Variants in CYP46A1 observed in about 807,000 individuals in gnomAD.
CYP46A1 encodes the protein cytochrome P450 family 46 subfamily A member 1.
Under a neutral mutation model 63.3 loss-of-function variants are expected in CYP46A1, and 20 were observed. That is an observed-to-expected ratio of 0.32 (90% CI 0.22 to 0.46). The LOEUF (loss-of-function observed/expected upper bound fraction) is 0.46, where lower values mean the gene tolerates loss of function less well. CYP46A1 is among the 20% of genes least tolerant of loss of function. The pLI is 1.00. For missense variants in CYP46A1, 445 were observed against 670.8 expected, an observed-to-expected ratio of 0.66 and a Z score of 3.72; for synonymous variants, 268 against 273.6, an observed-to-expected ratio of 0.98 and a Z score of 0.20.
At position 99,726,653 on chromosome 14, in the gene CYP46A1, A is replaced by G; in HGVS notation, c.1429A>G (p.Lys477Glu). The change falls in exon 15 of 15, where the codon AAG becomes GAG. Residue 477 changes from lysine (K) to glutamate (E), a missense_variant. Lys to Glu is a moderately conservative substitution (Grantham distance 56, BLOSUM62 1). This residue lies in a region of CYP46A1 where 85 missense variants were observed against 80.1 expected (regional missense o/e 1.06). Transcript: ENST00000261835. ...RFGLQEQATLKPLDPVLCTLR... is the reference protein window; with the variant it reads ...RFGLQEQATLEPLDPVLCTLR... The stretch of plus-strand genomic sequence containing the variant: ...CGGGCTGCAGGAGCAGGCCACACTC[A>G]AGCCACTGGACCCCGTGCTGTGCAC... The G allele has an allele frequency of 6.4e-7, 1 of 1,560,916 alleles. No homozygotes were observed. The highest frequency in any genetic ancestry group is 8.7e-7 in the Non-Finnish European group (1 of 1,153,930).
intron 5 of CYP46A1, 35 bp from the exon 6 acceptor site, chr14:99,706,612 G>A (rs1272247624): frequency 1.2e-6 from 2 of 1,610,954 alleles, no homozygotes; most frequent in Non-Finnish European, 8.5e-7. Context: ...TATTGGGCTG[G>A]CCAGTGGCCG....
intron 9 of CYP46A1, among the ~76,000 whole-genome samples, chr14:99,716,943 A>T (rs968237101): frequency 6.6e-6 from 1 of 152,216 alleles, no homozygotes; most frequent in African/African-American, 2.4e-5. Context: ...AGACAGAGAG[A>T]CAAATACTGA....
chr14:99,707,755 AT>A (rs34955990), intron 7 of CYP46A1, 77 bp downstream of exon 7: 42,025 of 955,018 alleles, frequency 0.044, no homozygotes, highest in East Asian at 0.056. Flanking sequence ...TCCTTCAGTG[AT>A]TTTTTTTTTT....
At position 99,725,405 on chromosome 14, in the gene CYP46A1, C is replaced by T. The variant is rs766097065; in HGVS notation, c.1191C>T (p.Val397=). 1.8e-5 allele frequency: 29 copies of T among 1,614,014 alleles called. No homozygotes were observed. The highest frequency in any genetic ancestry group is 4.0e-5 in the African/African-American group (3 of 74,928). ...GNTPLLFSTY[V]MGRMDTYFED... Reference sequence around the variant, plus strand: ...TTTGCCCGCAGTTCAGCACCTATGTCATGGGGCGGATGGACACATACTTTG... The same window carrying T: ...TTTGCCCGCAGTTCAGCACCTATGTTATGGGGCGGATGGACACATACTTTG... The change falls in exon 13 of 15, where the codon GTC becomes GTT. Residue 397 remains valine (V), a synonymous_variant. Transcript: ENST00000261835. This position sits in a 1 kb window ranked among gnomAD's most constrained non-coding sequence, Gnocchi z 4.2.
rs139742823 is a variant in CYP46A1, at chr14:99,690,776, G to C, written c.120-305G>C. 2.6e-3 allele frequency among the ~76,000 whole-genome samples: 393 copies of C among 152,216 alleles called. 2 individuals carry two copies. Among genetic ancestry groups the C allele is most frequent in the Admixed American group, 0.022 (340 of 15,280 alleles). ...TGGTGCCCAGCCTGGTCAGTATTGG[G>C]GAATATCTGAGGGTGATCCCACACA... On this transcript the variant is annotated intron_variant, in intron 1 of 14. Transcript: ENST00000261835.
intron 10 of CYP46A1, among the ~76,000 whole-genome samples, chr14:99,720,493 T>G (rs976277842): frequency 3.6e-5 from 5 of 138,342 alleles, no homozygotes; most frequent in Non-Finnish European, 7.6e-5. Context: ...GGAGTCTCGC[T>G]CTGTTGCTAG....
At chr14:99,692,091 C>T (rs1164631956) in intron 3 of CYP46A1, among the ~76,000 whole-genome samples, 3 of 152,152 alleles carry the variant, frequency 2.0e-5, no homozygotes, top group African/African-American at 7.2e-5. Flanking sequence ...CTTGCTGTCC[C>T]CATTTGGGTT....
chr14:99,691,711 C>G (rs578175436), intron 2 of CYP46A1, 69 bp from the exon 3 acceptor site: 12 of 1,434,916 alleles, frequency 8.4e-6, no homozygotes, highest in Admixed American at 6.7e-5. Flanking sequence ...GGTTTCTCAG[C>G]TGGGCGGGGT....
At chr14:99,687,440 C>A (rs2056504034) in intron 1 of CYP46A1, among the ~76,000 whole-genome samples, 1 of 152,216 alleles carries the variant, frequency 6.6e-6, no homozygotes, top group Non-Finnish European at 1.5e-5. Context: ...GGGTGGCCAG[C>A]CATGGGGGAG....
Position 99,726,696 on chromosome 14 carries a change from G to T in CYP46A1, c.1472G>T (p.Trp491Leu). The change falls in exon 15 of 15, where the codon TGG (tryptophan) becomes TTG (leucine). Residue 491 changes from tryptophan (W) to leucine (L), a missense_variant. Transcript: ENST00000261835. ...CTGTGCACCCTGCGGCCCCGCGGCTGGCAGCCCGCACCCCCACCACCCCCC... is the reference window on the plus strand; with the variant it reads ...CTGTGCACCCTGCGGCCCCGCGGCTTGCAGCCCGCACCCCCACCACCCCCC... ...PVLCTLRPRG[W>L]QPAPPPPPC 6.5e-7 allele frequency: 1 copy of T among 1,543,556 alleles called. No individual in the cohort carries two copies. The highest frequency in any genetic ancestry group is 2.4e-5 in the East Asian group (1 of 41,066).
At chr14:99,712,411 A>G (rs1372188776) in intron 7 of CYP46A1, 1 of 152,198 alleles carries the variant, frequency 6.6e-6, no homozygotes, top group Non-Finnish European at 1.5e-5. Context: ...CTCTACCAAA[A>G]AACTCTTAGA....
chr14:99,720,649 G>A (rs550189650), intron 10 of CYP46A1, among the ~76,000 whole-genome samples: 3 of 151,972 alleles, frequency 2.0e-5, no homozygotes, highest in Non-Finnish European at 2.9e-5. Context: ...AGTAGAGACA[G>A]GGTTTCACCA....
At position 99,722,678 on chromosome 14, in the gene CYP46A1, T is replaced by TGTGTGTGTGCGC. The variant is rs1491237225; in HGVS notation, c.1176+613_1176+614insTGTGTGTGCGCG. Among the ~76,000 whole-genome samples, 2 of 150,026 alleles carry TGTGTGTGTGCGC rather than the reference T, an allele frequency of 1.3e-5. No individual in the cohort carries two copies. The highest frequency in any genetic ancestry group is 2.5e-5 in the African/African-American group (1 of 40,020). ...GTGTGTGTGTGTGTGTGTGTGTGTGTGCCTGTGTGCATTCACGCAGTAATA... is the reference window on the plus strand; with the variant it reads ...GTGTGTGTGTGTGTGTGTGTGTGTGTGTGTGTGTGCGCGCCTGTGTGCATTCACGCAGTAATA... On this transcript the variant is annotated intron_variant, in intron 12 of 14. Transcript: ENST00000261835. The surrounding 1 kb of genome is among the most constrained non-coding windows in gnomAD (Gnocchi z 4.6).
At chr14:99,690,006 A>G (rs2140112333) in intron 1 of CYP46A1, among the ~76,000 whole-genome samples, 1 of 152,148 alleles carries the variant, frequency 6.6e-6, no homozygotes, top group East Asian at 1.9e-4. Context: ...TGTTTCCCTC[A>G]AGTACTCTGC....
Position 99,725,245 on chromosome 14 carries a change from A to G in CYP46A1, c.1177-146A>G. 1.5e-6 allele frequency: 1 copy of G among 647,452 alleles called. No homozygotes were observed. The highest frequency in any genetic ancestry group is 2.7e-5 in the East Asian group (1 of 37,256). The allele number at this position is 647,452 out of a possible 1,614,324, so 40.1% of individuals were successfully genotyped here. ...TTTCTAGGGGGCCAGTGCAATGGACACCAACCTAGATGAGGGGTGAAGACA... is the reference window on the plus strand; with the variant it reads ...TTTCTAGGGGGCCAGTGCAATGGACGCCAACCTAGATGAGGGGTGAAGACA... On this transcript the variant is annotated intron_variant, in intron 12 of 14. Transcript: ENST00000261835. The surrounding 1 kb of genome is among the most constrained non-coding windows in gnomAD (Gnocchi z 4.2).
intron 1 of CYP46A1, among the ~76,000 whole-genome samples, chr14:99,688,195 A>T (rs1441119713): frequency 1.3e-5 from 2 of 152,146 alleles, no homozygotes; most frequent in African/African-American, 4.8e-5. Context: ...CAATGAGGAC[A>T]CTAGATTACT....
Position 99,722,432 on chromosome 14 carries a change from C to T in CYP46A1, c.1176+366C>T, listed in dbSNP as rs989594718. Among the ~76,000 whole-genome samples the T allele has an allele frequency of 1.3e-5, 2 of 152,184 alleles. No individual in the cohort carries two copies. Among genetic ancestry groups the T allele is most frequent in the Admixed American group, 1.3e-4 (2 of 15,280 alleles). On this transcript the variant is annotated intron_variant, in intron 12 of 14. Coordinates refer to ENST00000261835, the MANE Select transcript of CYP46A1 (RefSeq NM_006668.2). The surrounding 1 kb of genome is among the most constrained non-coding windows in gnomAD (Gnocchi z 4.6). ...CTTGTCCTGGTTCCTTCTCTCCTCACGTTTTACAGCCCTTTCTCTCTCGGC... is the reference window on the plus strand; with the variant it reads ...CTTGTCCTGGTTCCTTCTCTCCTCATGTTTTACAGCCCTTTCTCTCTCGGC...
intron 12 of CYP46A1, among the ~76,000 whole-genome samples, chr14:99,723,401 C>T (rs904035742): frequency 1.3e-5 from 2 of 152,184 alleles, no homozygotes; most frequent in African/African-American, 4.8e-5. Context: ...CTCTGCCTCC[C>T]GGGTTCAAGC....
At chr14:99,716,222 A>G (rs1378405434) in intron 9 of CYP46A1, 23 bp downstream of exon 9, 2 of 1,613,302 alleles carry the variant, frequency 1.2e-6, no homozygotes, top group Non-Finnish European at 1.7e-6. Flanking sequence ...GGCGGTGGCC[A>G]AGGGCCCGGA....
Sources: gnomAD v4.1 joint callset for allele counts (sites outside exome capture counted in the v4.1 genomes callset) on GRCh38, gnomAD v4.1.1 for gene constraint, gnomAD v4.1.1 regional missense constraint, Gnocchi (gnomAD v3.1) non-coding constraint, MANE v1.5 for transcripts, NCBI Gene and HGNC (gene_info 2026-07-23, HGNC 2026-07-21) for gene names.